The following ERCC5 variants were observed in gnomAD, a reference collection of about 807,000 sequenced individuals.
ERCC5 encodes DNA excision repair protein ERCC-5.
In ERCC5, 68 loss-of-function variants were observed where a neutral mutation model predicts 105.6. The observed-to-expected ratio is 0.64, with a 90% CI of 0.53 to 0.79. The LOEUF (loss-of-function observed/expected upper bound fraction) is 0.79. ERCC5 is among the 30% of genes least tolerant of loss of function. The pLI, the probability that ERCC5 is intolerant of heterozygous loss-of-function variation, is 0.00. For synonymous variants in ERCC5, 546 were observed against 526.2 expected, an observed-to-expected ratio of 1.04 and a Z score of -0.51; for missense variants, 1,373 against 1,426.7, an observed-to-expected ratio of 0.96 and a Z score of 0.61.
intron 14 of ERCC5, 71 bp downstream of exon 14, chr13:102,873,414 A>G (rs1883097772): frequency 1.3e-6 from 2 of 1,542,262 alleles, no homozygotes; most frequent in South Asian, 1.1e-5. Context: ...GTTAAAGACC[A>G]GTTAACTCTT....
Position 102,862,364 on chromosome 13 carries a change from T to TG in ERCC5, c.1219dup (p.Asp407GlyfsTer2). 6.2e-7 allele frequency: 1 copy of TG among 1,614,068 alleles called. No individual in the cohort carries two copies. The highest frequency in any genetic ancestry group is 1.1e-5 in the South Asian group (1 of 91,080). On this transcript the variant is annotated frameshift_variant, in exon 8 of 15. Transcript: ENST00000652225. LOFTEE classifies it high-confidence loss of function. Reference sequence around the variant, plus strand: ...ATGACGAAGATGTAAAAGTGTGTGCTGGGGATGATGTGCAGACGGGAGGGC... The same window carrying TG: ...ATGACGAAGATGTAAAAGTGTGTGCTGGGGGATGATGTGCAGACGGGAGGGC...
intron 11 of ERCC5, 22 bp from the exon 12 acceptor site, chr13:102,868,091 A>G (rs760823770): frequency 6.2e-7 from 1 of 1,607,772 alleles, no homozygotes. Context: ...GATAAAAATT[A>G]AAAAATATTG....
chr13:102,860,939 C>G (rs1397557532), intron 6 of ERCC5, among the ~76,000 whole-genome samples: 3 of 151,228 alleles, frequency 2.0e-5, no homozygotes, highest in Admixed American at 1.3e-4. Context: ...ATTACATGCT[C>G]AATACATGTT....
rs1001855318 is a variant in ERCC5 at position 102,861,819 on chromosome 13, T to A, written c.880+105T>A. On this transcript the variant is annotated intron_variant, in intron 7 of 14. Coordinates refer to ENST00000652225, the MANE Select transcript of ERCC5 (RefSeq NM_000123.4). ...CCTGGATAATATTAATGAAATTCTA[T>A]TTATGTAATAACTGTATACTGCTAT... 4 of 1,438,630 alleles carry A rather than the reference T, an allele frequency of 2.8e-6. No homozygotes were observed. In the African/African-American group the frequency reaches 5.7e-5, roughly 20 times the overall value. 89.1% of individuals were successfully genotyped at this position (1,438,630 alleles called of 1,614,324 possible). A position where few individuals can be genotyped will look rare whatever the true frequency, so the allele number is the denominator to read the frequency against.
At chr13:102,857,070 A>AT (rs913011549) in intron 5 of ERCC5, among the ~76,000 whole-genome samples, 3 of 152,224 alleles carry the variant, frequency 2.0e-5, no homozygotes, top group Non-Finnish European at 4.4e-5. Flanking sequence ...GTATATATAC[A>AT]TTTTTTTCAT....
In ERCC5 at chr13:102,858,414, C is replaced by A; in HGVS notation, c.668C>A (p.Pro223Gln). The part of the protein sequence containing the change: ...KRRRTLFEAM[P>Q]EESDDFSQYQ... ...AGAAGAACATTATTTGAAGCAATGC[C>A]AGAGGTGAAATATGCAACAGTACAT... The change falls in exon 6 of 15, where the codon CCA becomes CAA. Residue 223 changes from proline (P) to glutamine (Q), a missense_variant. By Grantham distance (76) the Pro-to-Gln change is moderately conservative. Transcript: ENST00000652225. 6.2e-7 allele frequency: 1 copy of A among 1,614,002 alleles called. No individual in the cohort carries two copies. The highest frequency in any genetic ancestry group is 8.5e-7 in the Non-Finnish European group (1 of 1,179,982).
intron 2 of ERCC5, 139 bp downstream of exon 2, chr13:102,852,432 CT>C: frequency 2.1e-6 from 2 of 941,036 alleles, no homozygotes; most frequent in Non-Finnish European, 3.1e-6. Context: ...ATTACATCTA[CT>C]TTTTTATCTT....
chr13:102,853,547 G>T (rs1882282028), intron 2 of ERCC5, among the ~76,000 whole-genome samples: 1 of 152,164 alleles, frequency 6.6e-6, no homozygotes, highest in African/African-American at 2.4e-5. Context: ...ATATTGTGTA[G>T]TAGCCCATTA....
In ERCC5 at chr13:102,865,853, C is replaced by T; in HGVS notation, c.2141C>T (p.Pro714Leu). The T allele has an allele frequency of 6.2e-7, 1 of 1,614,188 alleles. No homozygotes were observed. ...GAGAGGGACGACGTGGATGGTGAGC[C>T]ACAGGAAGCTGAGAAAGATGCGGAA... ...NSERDDVDGE[P>L]QEAEKDAEDS... The change falls in exon 9 of 15, where the codon CCA becomes CTA. Residue 714 changes from proline (P) to leucine (L), a missense_variant. Physicochemically the swap from Pro to Leu is moderately conservative, Grantham distance 98 (BLOSUM62 -3). Transcript: ENST00000652225. The surrounding 1 kb of genome is among the most constrained non-coding windows in gnomAD (Gnocchi z 4.0).
chr13:102,864,128 A>C (rs1242494366), intron 8 of ERCC5, among the ~76,000 whole-genome samples: 6 of 66,720 alleles, frequency 9.0e-5, no homozygotes, highest in African/African-American at 2.8e-4. Flanking sequence ...AGAATCAACC[A>C]CACACACACA....
Position 102,862,162 on chromosome 13 carries a change from C to T in ERCC5, c.1013C>T (p.Thr338Ile), listed in dbSNP as rs2140526986. ...KLKTEKEPDATPPSPRTLLAM... is the reference protein window; with the variant it reads ...KLKTEKEPDAIPPSPRTLLAM... ...AAGACAGAGAAAGAGCCTGATGCTA[C>T]CCCTCCTTCTCCAAGAACTTTACTA... Residue 338 changes from threonine to isoleucine, a missense_variant, in exon 8 of 15, where the codon ACC becomes ATC. Thr to Ile is a moderately conservative substitution (Grantham distance 89). This residue lies in a region of ERCC5 where 1,004 missense variants were observed against 1,059.7 expected (regional missense o/e 0.95). Transcript: ENST00000652225. 6.2e-7 allele frequency: 1 copy of T among 1,614,184 alleles called. No homozygotes were observed. Among genetic ancestry groups the T allele is most frequent in the East Asian group, 2.2e-5 (1 of 44,878 alleles).
rs774078839 is a variant in ERCC5 at position 102,866,765 on chromosome 13, C to A, written c.2453C>A (p.Ala818Glu). The A allele has an allele frequency of 6.2e-7, 1 of 1,614,110 alleles. No homozygotes were observed. The highest frequency in any genetic ancestry group is 1.3e-5 in the African/African-American group (1 of 74,936). Residue 818 changes from alanine to glutamate, a missense_variant, in exon 11 of 15, where the codon GCG (alanine) becomes GAG (glutamate). Coordinates refer to ENST00000652225, the MANE Select transcript of ERCC5 (RefSeq NM_000123.4). ...GACAGTGATATCTGGCTGTTTGGAGCGCGGCATGTCTATAGAAACTTTTTT... is the reference window on the plus strand; with the variant it reads ...GACAGTGATATCTGGCTGTTTGGAGAGCGGCATGTCTATAGAAACTTTTTT... Reference protein sequence around the residue: ...TDDSDIWLFGARHVYRNFFNK... With the variant: ...TDDSDIWLFGERHVYRNFFNK...
chr13:102,850,152 C>T (rs1882150944), intron 1 of ERCC5, among the ~76,000 whole-genome samples: 1 of 152,148 alleles, frequency 6.6e-6, no homozygotes, highest in Non-Finnish European at 1.5e-5. Context: ...TCTCGATCTC[C>T]TGACCTCAGG....
At chr13:102,846,623 C>A (rs949017323) in intron 1 of ERCC5, among the ~76,000 whole-genome samples, 10 of 152,214 alleles carry the variant, frequency 6.6e-5, no homozygotes, top group African/African-American at 2.4e-4. Flanking sequence ...TATAAACTAC[C>A]CACTTCCGTA....
chr13:102,852,671 C>T (rs1882251079), intron 2 of ERCC5, among the ~76,000 whole-genome samples: 1 of 152,156 alleles, frequency 6.6e-6, no homozygotes, highest in Non-Finnish European at 1.5e-5. Context: ...GATCAAGTAT[C>T]CTCCGTGATA....
In ERCC5 at chr13:102,846,274, T is replaced by C; in HGVS notation, c.8T>C (p.Val3Ala). MG[V>A]QGLWKLLECS... ...TTAGGACGCAGCCGCCTCATGGGGG[T>C]CCAGGGGCTCTGGAAGCTGCTGGAG... Residue 3 changes from valine (V) to alanine (A), a missense_variant, in exon 1 of 15, where the codon GTC becomes GCC. Val to Ala is a moderately conservative substitution (Grantham distance 64, BLOSUM62 0). Transcript: ENST00000652225. 1 of 1,613,042 alleles carries C rather than the reference T, an allele frequency of 6.2e-7. No individual in the cohort carries two copies. The highest frequency in any genetic ancestry group is 8.5e-7 in the Non-Finnish European group (1 of 1,179,674).
At chr13:102,848,636 G>A (rs1882072709) in intron 1 of ERCC5, among the ~76,000 whole-genome samples, 1 of 152,072 alleles carries the variant, frequency 6.6e-6, no homozygotes, top group South Asian at 2.1e-4. Flanking sequence ...TATACCGAAA[G>A]TGATTTTTGG....
At position 102,872,334 on chromosome 13, in the gene ERCC5, C is replaced by T. The variant is rs371794669; in HGVS notation, c.2815C>T (p.Pro939Ser). The T allele has an allele frequency of 6.2e-7, 1 of 1,614,018 alleles. No homozygotes were observed. Among genetic ancestry groups the T allele is most frequent in the African/African-American group, 1.3e-5 (1 of 74,906 alleles). The change falls in exon 13 of 15, where the codon CCC becomes TCC. Residue 939 changes from proline to serine, a missense_variant. Physicochemically the swap from Pro to Ser is moderately conservative, Grantham distance 74 (BLOSUM62 -1). Around this residue, in one of 3 missense-constraint regions of ERCC5, gnomAD observed 367 missense variants for 350.2 expected, o/e 1.05. Coordinates refer to ENST00000652225, the MANE Select transcript of ERCC5 (RefSeq NM_000123.4). ...NPAVAEAYLK[P>S]VVDDSKGSFL... ...AGCTGTTGCCGAGGCCTACCTCAAACCCGTGGTGGATGACTCGAAGGGATC... is the reference window on the plus strand; with the variant it reads ...AGCTGTTGCCGAGGCCTACCTCAAATCCGTGGTGGATGACTCGAAGGGATC...
intron 14 of ERCC5, 34 bp from the exon 15 acceptor site, chr13:102,875,273 A>G: frequency 6.3e-7 from 1 of 1,599,800 alleles, no homozygotes; most frequent in Non-Finnish European, 8.5e-7. Flanking sequence ...TACTTGTCTG[A>G]TTTATTATTA....
Sources: allele counts gnomAD v4.1 joint callset (sites outside exome capture counted in the v4.1 genomes callset), GRCh38; gene constraint gnomAD v4.1.1; regional missense constraint gnomAD v4.1.1; non-coding constraint Gnocchi (gnomAD v3.1); transcripts MANE v1.5; gene names NCBI Gene and HGNC (gene_info 2026-07-23, HGNC 2026-07-21).